The following INTS2 variants were observed in gnomAD, a reference collection of about 807,000 sequenced individuals.
The protein encoded by INTS2 is integrator complex subunit 2.
In INTS2, 57 loss-of-function variants were observed where a neutral mutation model predicts 139.6. The observed-to-expected ratio is 0.41, with a 90% CI of 0.33 to 0.51. INTS2 has a LOEUF of 0.51. Ranked by LOEUF, INTS2 falls within the 20% of genes least tolerant of loss-of-function variation. INTS2 has a pLI of 0.28. For missense variants in INTS2, 1,196 were observed against 1,436.7 expected, an observed-to-expected ratio of 0.83 and a Z score of 2.71; for synonymous variants, 473 against 493.4, an observed-to-expected ratio of 0.96 and a Z score of 0.55.
intron 19 of INTS2, 109 bp downstream of exon 19, chr17:61,874,804 C>T (rs2079114552): frequency 2.2e-6 from 2 of 889,400 alleles, no homozygotes; most frequent in South Asian, 3.5e-5. Flanking sequence ...ACACTGCCTA[C>T]TTATCTGCAA....
Position 61,876,507 on chromosome 17 carries a change from C to T in INTS2, c.2456+1380G>A, listed in dbSNP as rs570135707. On this transcript the variant is annotated intron_variant, in intron 18 of 24. Coordinates refer to ENST00000251334, the MANE Select transcript of INTS2 (RefSeq NM_001351695.2). The surrounding 1 kb of genome is among the most constrained non-coding windows in gnomAD (Gnocchi z 4.1). ...AGACAGGGTTTCAGTGGCACGATCT[C>T]ACCTCACTGAAGCCTCCATCTCCTG... Among the ~76,000 whole-genome samples, 9 of 151,988 alleles carry T rather than the reference C, an allele frequency of 5.9e-5. No individual in the cohort carries two copies. The highest frequency in any genetic ancestry group is 2.2e-4 in the African/African-American group (9 of 41,472).
intron 11 of INTS2, 149 bp from the exon 12 acceptor site, chr17:61,895,532 A>G (rs1013463528): frequency 1.0e-5 from 5 of 490,888 alleles, no homozygotes; most frequent in African/African-American, 4.1e-5. Context: ...CCCAAACCCA[A>G]CATTAAAGTG....
chr17:61,896,106 G>A (rs887002821), intron 11 of INTS2, among the ~76,000 whole-genome samples: 20 of 151,798 alleles, frequency 1.3e-4, no homozygotes, highest in South Asian at 6.2e-4. Context: ...CGGGCGTGGC[G>A]GTATGTGCCT....
chr17:61,898,703 T>C (rs1026318081), intron 9 of INTS2, among the ~76,000 whole-genome samples: 1 of 152,150 alleles, frequency 6.6e-6, no homozygotes, highest in African/African-American at 2.4e-5. Flanking sequence ...AACCTCCGCC[T>C]CCCGGGTTCA....
intron 9 of INTS2, among the ~76,000 whole-genome samples, chr17:61,899,692 C>T (rs980878745): frequency 5.9e-5 from 9 of 152,192 alleles, no homozygotes; most frequent in African/African-American, 2.2e-4. Context: ...AGGAGGATAG[C>T]TTGAGCCCAG....
Position 61,897,611 on chromosome 17 carries a change from T to C in INTS2, c.1380-28A>G. ...GTCAAAACAAAATAGGAAATATGAA[T>C]TTTCCAAAGAGAGAAGAAGAAAAGC... On this transcript the variant is annotated intron_variant, in intron 10 of 24. Transcript: ENST00000251334. This position sits in a 1 kb window ranked among gnomAD's most constrained non-coding sequence, Gnocchi z 4.4. 6.3e-7 allele frequency: 1 copy of C among 1,579,542 alleles called. No individual in the cohort carries two copies. The highest frequency in any genetic ancestry group is 2.3e-5 in the East Asian group (1 of 44,222).
At chr17:61,881,381 G>A (rs954549615) in intron 16 of INTS2, among the ~76,000 whole-genome samples, 7 of 152,276 alleles carry the variant, frequency 4.6e-5, no homozygotes, top group Non-Finnish European at 1.0e-4. Flanking sequence ...TGGATCACCT[G>A]AGGTCAGGAG....
At position 61,906,963 on chromosome 17, in the gene INTS2, C is replaced by CAAAAAAA. The variant is rs34773307; in HGVS notation, c.1181+438_1181+444dup. Among the ~76,000 whole-genome samples the CAAAAAAA allele has an allele frequency of 5.1e-3, 412 of 80,140 alleles. 42 individuals carry two copies. The highest frequency in any genetic ancestry group is 0.037 in the East Asian group (87 of 2,356). The allele number at this position is 80,140 out of a possible 152,430, so 52.6% of individuals were successfully genotyped here. ...TGGGCGACAGACGGAGATTCCATCT[C>CAAAAAAA]AAAAAAAAAAAAAAAAAAAAACATT... On this transcript the variant is annotated intron_variant, in intron 8 of 24. Transcript: ENST00000251334.
rs1172704637 is a variant in INTS2, at chr17:61,893,029, A to G, written c.1698+736T>C. Among the ~76,000 whole-genome samples the G allele has an allele frequency of 6.7e-6, 1 of 149,892 alleles. No individual in the cohort carries two copies. The highest frequency in any genetic ancestry group is 1.5e-5 in the Non-Finnish European group (1 of 67,652). ...TTCCAGCTACTTAGGAGGCTGTGGC[A>G]GGAGGACTGCTTGAGCCCAGGAGTT... On this transcript the variant is annotated intron_variant, in intron 13 of 24. Transcript: ENST00000251334. This position sits in a 1 kb window ranked among gnomAD's most constrained non-coding sequence, Gnocchi z 5.4.
At position 61,893,970 on chromosome 17, in the gene INTS2, A is replaced by G; in HGVS notation, c.1564-71T>C. ...AAATTATTTTGAAAGAGAGATTAGTAAGTAGACTGTCAACACCTAATACAA... is the reference window on the plus strand; with the variant it reads ...AAATTATTTTGAAAGAGAGATTAGTGAGTAGACTGTCAACACCTAATACAA... On this transcript the variant is annotated intron_variant, in intron 12 of 24. Coordinates refer to ENST00000251334, the MANE Select transcript of INTS2 (RefSeq NM_001351695.2). This position sits in a 1 kb window ranked among gnomAD's most constrained non-coding sequence, Gnocchi z 5.4. 9.8e-7 allele frequency: 1 copy of G among 1,023,742 alleles called. No individual in the cohort carries two copies. Among genetic ancestry groups the G allele is most frequent in the Non-Finnish European group, 1.4e-6 (1 of 718,622 alleles). The allele number at this position is 1,023,742 out of a possible 1,614,324, so 63.4% of individuals were successfully genotyped here. A position where few individuals can be genotyped will look rare whatever the true frequency, so the allele number is the denominator to read the frequency against.
Position 61,906,963 on chromosome 17 carries a change from C to CAAAAA in INTS2, c.1181+440_1181+444dup, listed in dbSNP as rs34773307. ...TGGGCGACAGACGGAGATTCCATCT[C>CAAAAA]AAAAAAAAAAAAAAAAAAAAACATT... On this transcript the variant is annotated intron_variant, in intron 8 of 24. Coordinates refer to ENST00000251334, the MANE Select transcript of INTS2 (RefSeq NM_001351695.2). 1.2e-3 allele frequency among the ~76,000 whole-genome samples: 99 copies of CAAAAA among 80,160 alleles called. 8 individuals carry two copies. Among genetic ancestry groups the CAAAAA allele is most frequent in the East Asian group, 4.2e-3 (10 of 2,360 alleles). The allele number at this position is 80,160 out of a possible 152,430, so 52.6% of individuals were successfully genotyped here.
intron 4 of INTS2, among the ~76,000 whole-genome samples, chr17:61,919,790 G>A (rs373926286): frequency 2.6e-5 from 4 of 152,008 alleles, no homozygotes; most frequent in South Asian, 2.1e-4. Flanking sequence ...GTGCAGTGGT[G>A]TGATTATAGC....
Position 61,909,662 on chromosome 17 carries a change from T to C in INTS2, c.954+1858A>G, listed in dbSNP as rs910349039. ...ACTCATAATTGAGAATATGCAATATTTGACTTTGTTTATGCGTTATTTCAC... is the reference window on the plus strand; with the variant it reads ...ACTCATAATTGAGAATATGCAATATCTGACTTTGTTTATGCGTTATTTCAC... On this transcript the variant is annotated intron_variant, in intron 7 of 24. Transcript: ENST00000251334. The surrounding 1 kb of genome is among the most constrained non-coding windows in gnomAD (Gnocchi z 4.9). Among the ~76,000 whole-genome samples the C allele has an allele frequency of 6.6e-5, 10 of 152,194 alleles. No individual in the cohort carries two copies. Among genetic ancestry groups the C allele is most frequent in the African/African-American group, 2.4e-4 (10 of 41,442 alleles).
In INTS2 at chr17:61,874,968, T is replaced by C. The variant is rs967814762; in HGVS notation, c.2527A>G (p.Asn843Asp). 5 of 1,598,534 alleles carry C rather than the reference T, an allele frequency of 3.1e-6. No homozygotes were observed. Among genetic ancestry groups the C allele is most frequent in the Non-Finnish European group, 4.3e-6 (5 of 1,171,542 alleles). The change falls in exon 19 of 25, where the codon AAT becomes GAT. Residue 843 changes from asparagine (N) to aspartate (D), a missense_variant. Asn to Asp is a conservative substitution (Grantham distance 23, BLOSUM62 1). Around this residue, in one of 3 missense-constraint regions of INTS2, gnomAD observed 1,129 missense variants for 1,341.9 expected, o/e 0.84. Coordinates refer to ENST00000251334, the MANE Select transcript of INTS2 (RefSeq NM_001351695.2). ...KFVRQQKYTQ[N>D]DLMIDPLIVL... Reference sequence around the variant, plus strand: ...ATGAGAGGATCTATCATCAGGTCATTCTGAGTATACTTTTGTTGTCGTACA... The same window carrying C: ...ATGAGAGGATCTATCATCAGGTCATCCTGAGTATACTTTTGTTGTCGTACA...
intron 3 of INTS2, 137 bp downstream of exon 3, chr17:61,924,824 C>T (rs1299897231): frequency 1.6e-5 from 13 of 798,830 alleles, no homozygotes; most frequent in Middle Eastern, 3.4e-4. Context: ...AATGAAACTC[C>T]GTCTCCAAAA....
At chr17:61,888,889 G>A (rs1014291629) in intron 15 of INTS2, among the ~76,000 whole-genome samples, 8 of 152,002 alleles carry the variant, frequency 5.3e-5, no homozygotes, top group African/African-American at 1.4e-4. Context: ...GCCGGGCGTC[G>A]TAGCAGGCGC....
intron 5 of INTS2, among the ~76,000 whole-genome samples, chr17:61,912,604 C>T (rs899731138): frequency 1.3e-5 from 2 of 151,904 alleles, no homozygotes; most frequent in Admixed American, 1.3e-4. Flanking sequence ...CCTGGGGCGA[C>T]AAAAGCGAAA....
At position 61,893,472 on chromosome 17, in the gene INTS2, T is replaced by C. The variant is rs1209899868; in HGVS notation, c.1698+293A>G. 6.6e-6 allele frequency among the ~76,000 whole-genome samples: 1 copy of C among 152,046 alleles called. No homozygotes were observed. Among genetic ancestry groups the C allele is most frequent in the African/African-American group, 2.4e-5 (1 of 41,418 alleles). ...GCACTTTGGTCGGTTGAGACAGGCATATCACTTGAGGTCAGGAGTTCGACA... is the reference window on the plus strand; with the variant it reads ...GCACTTTGGTCGGTTGAGACAGGCACATCACTTGAGGTCAGGAGTTCGACA... On this transcript the variant is annotated intron_variant, in intron 13 of 24. Transcript: ENST00000251334. The surrounding 1 kb of genome is among the most constrained non-coding windows in gnomAD (Gnocchi z 5.4).
rs138887683 is a variant in INTS2, at chr17:61,924,913, T to C, written c.432+48A>G. 6,884 of 1,580,810 alleles carry C rather than the reference T, an allele frequency of 4.4e-3. 16 individuals carry two copies. Among genetic ancestry groups the C allele is most frequent in the Admixed American group, 5.2e-3 (295 of 56,382 alleles). ...CTTTTTCTGTCTACCTCCCTATACATAGACATCAAATCATGCATACTTTGA... is the reference window on the plus strand; with the variant it reads ...CTTTTTCTGTCTACCTCCCTATACACAGACATCAAATCATGCATACTTTGA... On this transcript the variant is annotated intron_variant, in intron 3 of 24. Coordinates refer to ENST00000251334, the MANE Select transcript of INTS2 (RefSeq NM_001351695.2).
Sources: allele counts gnomAD v4.1 joint callset (sites outside exome capture counted in the v4.1 genomes callset), GRCh38; gene constraint gnomAD v4.1.1; regional missense constraint gnomAD v4.1.1; non-coding constraint Gnocchi (gnomAD v3.1); transcripts MANE v1.5; gene names NCBI Gene and HGNC (gene_info 2026-07-23, HGNC 2026-07-21).